The following CBLN4 variants were observed in gnomAD, a reference collection of about 807,000 sequenced individuals.
The protein encoded by CBLN4 is cerebellin-4.
CBLN4 carries 7 observed loss-of-function variants against 14.9 expected under a neutral mutation model. The observed-to-expected ratio is 0.47, with a 90% CI of 0.27 to 0.88. The LOEUF (loss-of-function observed/expected upper bound fraction) is 0.88. Ranked by LOEUF, CBLN4 falls within the 40% of genes least tolerant of loss-of-function variation. The pLI is 0.14. For synonymous variants in CBLN4, 131 were observed against 116.5 expected (o/e 1.12, Z -0.80); for missense variants, 188 against 256.8 (o/e 0.73, Z 1.83).
chr20:56,001,180 G>T (rs191882247), intron 1 of CBLN4, among the ~76,000 whole-genome samples: 43 of 152,170 alleles, frequency 2.8e-4, no homozygotes, highest in Non-Finnish European at 4.7e-4. Context: ...TCAATTTCCA[G>T]CAAGGCCCAA....
chr20:56,004,268 T>C lies in CBLN4; in HGVS notation c.-97A>G, dbSNP rs999620366. 2 of 1,253,434 alleles carry C rather than the reference T, an allele frequency of 1.6e-6. No homozygotes were observed. Among genetic ancestry groups the C allele is most frequent in the African/African-American group, 3.2e-5 (2 of 62,594 alleles). 77.6% of individuals were successfully genotyped at this position (1,253,434 alleles called of 1,614,324 possible). A position where few individuals can be genotyped will look rare whatever the true frequency, so the allele number is the denominator to read the frequency against. On this transcript the variant is annotated 5_prime_UTR_variant, in exon 1 of 3. It removes the in-frame stop codon of an upstream open reading frame in the 5' UTR. Coordinates refer to ENST00000064571, the MANE Select transcript of CBLN4 (RefSeq NM_080617.6). The surrounding 1 kb of genome is among the most constrained non-coding windows in gnomAD (Gnocchi z 6.1). ...CGGTGCTCGGGAAGATGCTAGCGGC[T>C]AGGTCGACAGCGCTGCAGGAGCGAC...
rs915932678 is a variant in CBLN4 at position 55,998,385 on chromosome 20, C to G, written c.*172G>C. On this transcript the variant is annotated 3_prime_UTR_variant, in exon 3 of 3. Transcript: ENST00000064571. ...CCAAATATACTGAAACAGACACACA[C>G]AAATAATCTGTGAAATTTTGTATTG... 4 of 684,316 alleles carry G rather than the reference C, an allele frequency of 5.8e-6. No individual in the cohort carries two copies. In the African/African-American group the frequency reaches 7.2e-5, roughly 12 times the overall value. 42.4% of individuals were successfully genotyped at this position (684,316 alleles called of 1,614,324 possible). A position where few individuals can be genotyped will look rare whatever the true frequency, so the allele number is the denominator to read the frequency against.
At chr20:56,002,137 G>A (rs1310222249) in intron 1 of CBLN4, among the ~76,000 whole-genome samples, 1 of 152,100 alleles carries the variant, frequency 6.6e-6, no homozygotes, top group Non-Finnish European at 1.5e-5. Context: ...GATGTATCAG[G>A]CTCAACACCT....
chr20:56,003,652 C>A (rs1170754240), intron 1 of CBLN4, among the ~76,000 whole-genome samples: 2 of 152,212 alleles, frequency 1.3e-5, no homozygotes, highest in African/African-American at 2.4e-5. Context: ...TCTCCCCCGC[C>A]GCCGCAGCAG....
chr20:56,000,658 A>T, intron 2 of CBLN4, 73 bp downstream of exon 2: 1 of 607,592 alleles, frequency 1.6e-6, no homozygotes, highest in South Asian at 3.8e-5. Context: ...TTGGATAAGT[A>T]CTTAAATATA....
chr20:55,997,461 C>A lies in CBLN4; in HGVS notation c.*1096G>T, dbSNP rs898559047. ...CAACTAACATATATTAATCTTTATT[C>A]TATAACAGACATAAATAATTTTATG... On this transcript the variant is annotated 3_prime_UTR_variant, in exon 3 of 3. Transcript: ENST00000064571. The A allele has an allele frequency of 6.6e-6, 1 of 152,430 alleles. No individual in the cohort carries two copies. Among genetic ancestry groups the A allele is most frequent in the African/African-American group, 2.4e-5 (1 of 41,416 alleles). 9.4% of individuals were successfully genotyped at this position (152,430 alleles called of 1,614,324 possible).
rs1020304116 is a variant in CBLN4 at position 55,997,515 on chromosome 20, A to C, written c.*1042T>G. On this transcript the variant is annotated 3_prime_UTR_variant, in exon 3 of 3. Transcript: ENST00000064571. ...TCATATGACCTATACAAAAGACAAG[A>C]TATTGCACTAAATTTAGATATGGGA... 3.9e-5 allele frequency: 6 copies of C among 152,584 alleles called. No homozygotes were observed. Among genetic ancestry groups the C allele is most frequent in the African/African-American group, 1.4e-4 (6 of 41,448 alleles). 9.5% of individuals were successfully genotyped at this position (152,584 alleles called of 1,614,324 possible).
At chr20:55,999,198 G>A (rs1289206223) in intron 2 of CBLN4, among the ~76,000 whole-genome samples, 4 of 152,106 alleles carry the variant, frequency 2.6e-5, no homozygotes, top group African/African-American at 7.2e-5. Flanking sequence ...ACATCCTTGC[G>A]AATTTTTGTG....
chr20:56,003,519 A>C lies in CBLN4; in HGVS notation c.291+362T>G, dbSNP rs113501025. On this transcript the variant is annotated intron_variant, in intron 1 of 2. Transcript: ENST00000064571. ...GCGGCACCCGCAGAGGAGTCTGAGC[A>C]AGGGCACCAAGATCTGGCCAAGAGA... Among the ~76,000 whole-genome samples, 1,464 of 152,328 alleles carry C rather than the reference A, an allele frequency of 9.6e-3. 35 individuals carry two copies. Among genetic ancestry groups the C allele is most frequent in the African/African-American group, 0.033 (1,371 of 41,574 alleles).
chr20:56,003,865 T>A lies in CBLN4; in HGVS notation c.291+16A>T, dbSNP rs781677651. 1.9e-6 allele frequency: 3 copies of A among 1,576,632 alleles called. No homozygotes were observed. Among genetic ancestry groups the A allele is most frequent in the Non-Finnish European group, 1.7e-6 (2 of 1,158,842 alleles). On this transcript the variant is annotated intron_variant, in intron 1 of 2. Transcript: ENST00000064571. ...ACCGCCCACCCCCTAGGTGCTCGCT[T>A]CCCCCCGGGTCTGACCTGATCGAAG...
In CBLN4 at chr20:56,004,665, G is replaced by C. The variant is rs570694083; in HGVS notation, c.-494C>G. On this transcript the variant is annotated 5_prime_UTR_variant, in exon 1 of 3. Transcript: ENST00000064571. This position sits in a 1 kb window ranked among gnomAD's most constrained non-coding sequence, Gnocchi z 6.1. ...CGGGTGCCAGTCCTGTCTGGCTTGC[G>C]GCAGGGACGAGTTACAGAGGCAGAA... 6.5e-6 allele frequency: 1 copy of C among 154,246 alleles called. No individual in the cohort carries two copies. The highest frequency in any genetic ancestry group is 1.4e-5 in the Non-Finnish European group (1 of 69,588). The allele number at this position is 154,246 out of a possible 1,614,324, so 9.6% of individuals were successfully genotyped here.
chr20:56,001,750 T>C (rs1025055262), intron 1 of CBLN4, among the ~76,000 whole-genome samples: 4 of 152,200 alleles, frequency 2.6e-5, no homozygotes, highest in Non-Finnish European at 5.9e-5. Context: ...CATTTTGTAT[T>C]CCAAAATATT....
At chr20:56,003,750 T>C (rs1422649001) in intron 1 of CBLN4, 131 bp downstream of exon 1, 1 of 930,052 alleles carries the variant, frequency 1.1e-6, no homozygotes, top group Non-Finnish European at 1.6e-6. Flanking sequence ...CCCAGGCATA[T>C]TTGGGAAGGC....
chr20:56,001,620 G>A (rs1986374398), intron 1 of CBLN4, among the ~76,000 whole-genome samples: 2 of 152,102 alleles, frequency 1.3e-5, no homozygotes, highest in Admixed American at 1.3e-4. Context: ...CTATGAAATA[G>A]GTGGCTTTCC....
intron 2 of CBLN4, among the ~76,000 whole-genome samples, chr20:55,999,598 AG>A (rs1408429499): frequency 1.1e-4 from 16 of 152,350 alleles, no homozygotes; most frequent in African/African-American, 3.6e-4. Context: ...ACTGCATTCC[AG>A]CCTGGGTGAA....
intron 2 of CBLN4, among the ~76,000 whole-genome samples, chr20:55,999,081 A>G (rs1986326455): frequency 6.6e-6 from 1 of 152,106 alleles, no homozygotes; most frequent in Admixed American, 6.5e-5. Context: ...CTTCCACCCA[A>G]CAATAATCTT....
Position 56,000,845 on chromosome 20 carries a change from G to T in CBLN4, c.294C>A (p.Ile98=), listed in dbSNP as rs1413778354. The part of the protein sequence containing the change: ...NKTRIIYFDQ[I]LVNVGNFFTL... Reference sequence around the variant, plus strand: ...TGAAAAAATTACCCACATTCACCAGGATCTACAAATAAAAATAATAAATAA... The same window carrying T: ...TGAAAAAATTACCCACATTCACCAGTATCTACAAATAAAAATAATAAATAA... The change falls in exon 2 of 3, where the codon ATC becomes ATA. Residue 98 remains isoleucine, a splice_region_variant and synonymous_variant. Transcript: ENST00000064571. The T allele has an allele frequency of 6.8e-7, 1 of 1,480,186 alleles. No individual in the cohort carries two copies. Among genetic ancestry groups the T allele is most frequent in the Non-Finnish European group, 9.1e-7 (1 of 1,092,900 alleles). The allele number at this position is 1,480,186 out of a possible 1,614,324, so 91.7% of individuals were successfully genotyped here. A position where few individuals can be genotyped will look rare whatever the true frequency, so the allele number is the denominator to read the frequency against.
At position 56,004,254 on chromosome 20, in the gene CBLN4, A is replaced by G; in HGVS notation, c.-83T>C. On this transcript the variant is annotated 5_prime_UTR_variant, in exon 1 of 3. Transcript: ENST00000064571. The surrounding 1 kb of genome is among the most constrained non-coding windows in gnomAD (Gnocchi z 6.1). ...CTACCCCGGGATCCCGGTGCTCGGG[A>G]AGATGCTAGCGGCTAGGTCGACAGC... 1.5e-6 allele frequency: 2 copies of G among 1,323,464 alleles called. No individual in the cohort carries two copies. The highest frequency in any genetic ancestry group is 1.9e-6 in the Non-Finnish European group (2 of 1,027,232). 82.0% of individuals were successfully genotyped at this position (1,323,464 alleles called of 1,614,324 possible).
chr20:56,000,643 C>A, intron 2 of CBLN4, 88 bp downstream of exon 2: 1 of 535,582 alleles, frequency 1.9e-6, no homozygotes, highest in Non-Finnish European at 3.2e-6. Flanking sequence ...TGTGGAAACA[C>A]AACTTTGGAT....
Sources: allele counts gnomAD v4.1 joint callset (sites outside exome capture counted in the v4.1 genomes callset), GRCh38; gene constraint gnomAD v4.1.1; non-coding constraint Gnocchi (gnomAD v3.1); transcripts MANE v1.5; gene names NCBI Gene and HGNC (gene_info 2026-07-23, HGNC 2026-07-21).